LPP: variants seen among roughly 807,000 people sequenced by gnomAD.
The protein encoded by LPP is lipoma-preferred partner.
In LPP, 38 loss-of-function variants were observed where a neutral mutation model predicts 60.4. That is an observed-to-expected ratio of 0.63 (90% CI 0.49 to 0.83). LPP has a LOEUF of 0.83. Among genes scored for constraint, LPP ranks in the 40% least tolerant of loss-of-function variants. The probability of loss-of-function intolerance (pLI) is 0.00; values close to 1 mark genes in which losing one functional copy is unlikely to be tolerated. For missense variants in LPP, 902 were observed against 783.6 expected (o/e 1.15, Z -1.80); for synonymous variants, 328 against 290.8 (o/e 1.13, Z -1.30).
intron 1 of LPP, among the ~76,000 whole-genome samples, chr3:188,160,437 G>A (rs552839105): frequency 3.5e-4 from 53 of 151,812 alleles, no homozygotes; most frequent in South Asian, 1.7e-3. Context: ...CAGGTGATCC[G>A]CTGGCCTTGG....
intron 1 of LPP, among the ~76,000 whole-genome samples, chr3:188,220,361 A>G (rs1251567004): frequency 1.3e-5 from 2 of 151,786 alleles, no homozygotes; most frequent in Admixed American, 6.6e-5. Context: ...CCCTTACTTG[A>G]TGTCTTATCT....
intron 7 of LPP, among the ~76,000 whole-genome samples, chr3:188,683,135 A>T (rs1411316189): frequency 6.6e-6 from 1 of 151,796 alleles, no homozygotes; most frequent in African/African-American, 2.4e-5. Context: ...TATGTTACCG[A>T]CTCTGTGGCA....
intron 9 of LPP, among the ~76,000 whole-genome samples, chr3:188,845,897 T>C (rs1761270406): frequency 6.6e-6 from 1 of 152,260 alleles, no homozygotes; most frequent in Non-Finnish European, 1.5e-5. Context: ...AAAACACTAA[T>C]AATTAGTCCA....
At chr3:188,665,930 T>C (rs1246640287) in intron 7 of LPP, among the ~76,000 whole-genome samples, 2 of 152,262 alleles carry the variant, frequency 1.3e-5, no homozygotes, top group African/African-American at 4.8e-5. Flanking sequence ...TATCTTAGCC[T>C]GTGCTTTATC....
At chr3:188,476,949 G>A (rs1244180738) in intron 4 of LPP, among the ~76,000 whole-genome samples, 1 of 152,182 alleles carries the variant, frequency 6.6e-6, no homozygotes, top group Non-Finnish European at 1.5e-5. Flanking sequence ...CCCTCTCCCA[G>A]AGAGTTCTCA....
Position 188,524,699 on chromosome 3 carries a change from G to T in LPP, c.341G>T (p.Arg114Leu), listed in dbSNP as rs760235825. The change falls in exon 6 of 12, where the codon CGC becomes CTC. Residue 114 changes from arginine (R) to leucine (L), a missense_variant. Physicochemically the swap from Arg to Leu is moderately radical, Grantham distance 102. Coordinates refer to ENST00000617246, the MANE Select transcript of LPP (RefSeq NM_001375462.1). ...NPGGKTLEER[R>L]SSLDAEIDSL... Reference sequence around the variant, plus strand: ...GGAGGCAAGACACTTGAGGAGAGGCGCTCCAGCCTGGACGCTGAGATTGAC... The same window carrying T: ...GGAGGCAAGACACTTGAGGAGAGGCTCTCCAGCCTGGACGCTGAGATTGAC... 1 of 1,613,936 alleles carries T rather than the reference G, an allele frequency of 6.2e-7. No homozygotes were observed. The highest frequency in any genetic ancestry group is 1.1e-5 in the South Asian group (1 of 91,064).
chr3:188,676,575 C>A (rs536562184), intron 7 of LPP, among the ~76,000 whole-genome samples: 1 of 152,142 alleles, frequency 6.6e-6, no homozygotes, highest in Non-Finnish European at 1.5e-5. Flanking sequence ...TTCTGCATTA[C>A]GTTTTAAACA....
chr3:188,774,000 T>C (rs1736918437), intron 9 of LPP, among the ~76,000 whole-genome samples: 2 of 152,206 alleles, frequency 1.3e-5, no homozygotes, highest in South Asian at 4.1e-4. Context: ...GAGACTGATA[T>C]TATTCCCTTT....
At chr3:188,638,720 A>G (rs1849381419) in intron 7 of LPP, among the ~76,000 whole-genome samples, 1 of 144,376 alleles carries the variant, frequency 6.9e-6, no homozygotes, top group Non-Finnish European at 1.5e-5. Flanking sequence ...ATACACCAAC[A>G]ACAGACAAAC....
At chr3:188,702,206 T>C (rs1864598909) in intron 7 of LPP, among the ~76,000 whole-genome samples, 1 of 152,084 alleles carries the variant, frequency 6.6e-6, no homozygotes, top group Non-Finnish European at 1.5e-5. Context: ...TCCGCCTCCC[T>C]CAGCCTCCCA....
chr3:188,415,940 A>T (rs1786155480), intron 4 of LPP, among the ~76,000 whole-genome samples: 1 of 152,130 alleles, frequency 6.6e-6, no homozygotes, highest in Non-Finnish European at 1.5e-5. Context: ...AGGTTATAAA[A>T]TGGTAAAAAC....
chr3:188,225,014 A>G (rs1717209836), intron 1 of LPP, among the ~76,000 whole-genome samples: 1 of 152,214 alleles, frequency 6.6e-6, no homozygotes, highest in African/African-American at 2.4e-5. Flanking sequence ...ACTAAAGTTC[A>G]AAGAACATTA....
chr3:188,817,938 A>G (rs757619686), intron 9 of LPP, among the ~76,000 whole-genome samples: 3 of 152,200 alleles, frequency 2.0e-5, no homozygotes, highest in South Asian at 2.1e-4. Context: ...AACTGGCTAT[A>G]CATGCTTTTA....
At chr3:188,496,298 G>C (rs145984142) in intron 5 of LPP, among the ~76,000 whole-genome samples, 29 of 151,936 alleles carry the variant, frequency 1.9e-4, no homozygotes. Flanking sequence ...GCTAATTTTT[G>C]TATTTTTTTT....
At chr3:188,173,032 T>A (rs1208714104) in intron 1 of LPP, among the ~76,000 whole-genome samples, 1 of 152,180 alleles carries the variant, frequency 6.6e-6, no homozygotes, top group Non-Finnish European at 1.5e-5. Flanking sequence ...CACACCCAGA[T>A]AAATTTTTGT....
chr3:188,348,373 C>G (rs549279550), intron 3 of LPP, among the ~76,000 whole-genome samples: 2 of 152,240 alleles, frequency 1.3e-5, no homozygotes, highest in South Asian at 4.1e-4. Flanking sequence ...GTCTCAAACT[C>G]CTGACCTCAG....
intron 9 of LPP, among the ~76,000 whole-genome samples, chr3:188,801,208 TC>T (rs1342394744): frequency 6.6e-6 from 1 of 152,154 alleles, no homozygotes. Context: ...AAGTCATCTG[TC>T]CTAGGCTCTA....
intron 3 of LPP, among the ~76,000 whole-genome samples, chr3:188,361,173 A>T (rs1350703006): frequency 1.3e-5 from 2 of 152,194 alleles, no homozygotes; most frequent in African/African-American, 4.8e-5. Context: ...GCTTAGGTTG[A>T]AGAGCAATGT....
At position 188,577,853 on chromosome 3, in the gene LPP, C is replaced by CTT. The variant is rs1165929857; in HGVS notation, c.430-31307_430-31306insTT. 3.9e-3 allele frequency among the ~76,000 whole-genome samples: 529 copies of CTT among 135,558 alleles called. 3 individuals are homozygous for CTT. The highest frequency in any genetic ancestry group is 0.013 in the African/African-American group (498 of 36,978). 88.9% of individuals were successfully genotyped at this position (135,558 alleles called of 152,430 possible). On this transcript the variant is annotated intron_variant, in intron 6 of 11. Transcript: ENST00000617246. ...CCTTCTTCTTTCTTGCCCTTTCTCT[C>CTT]TCTCTCTTTTCCTCTCCCCCTTCTG... is the stretch of plus-strand genomic sequence containing the variant.
Sources: gnomAD v4.1 joint callset for allele counts (sites outside exome capture counted in the v4.1 genomes callset) on GRCh38, gnomAD v4.1.1 for gene constraint, MANE v1.5 for transcripts, NCBI Gene and HGNC (gene_info 2026-07-23, HGNC 2026-07-21) for gene names.